ERO1B: variants seen among roughly 807,000 people sequenced by gnomAD.
The protein encoded by ERO1B is ERO1-like protein beta.
In ERO1B, 49 loss-of-function variants were observed where a neutral mutation model predicts 75.3. The observed-to-expected ratio is 0.65, with a 90% CI of 0.52 to 0.83. The LOEUF is 0.83. ERO1B is among the 40% of genes least tolerant of loss of function. ERO1B has a pLI of 0.00. For synonymous variants in ERO1B, 191 were observed against 192.9 expected (o/e 0.99, Z 0.08); for missense variants, 512 against 560.1 (o/e 0.91, Z 0.87).
intron 15 of ERO1B, among the ~76,000 whole-genome samples, chr1:236,218,928 G>A (rs1033541754): frequency 1.1e-4 from 16 of 152,070 alleles, no homozygotes; most frequent in African/African-American, 3.9e-4. Context: ...ACACTAATTT[G>A]TCTTATGTTG....
chr1:236,259,941 G>C (rs1345256343), intron 2 of ERO1B, among the ~76,000 whole-genome samples: 1 of 152,078 alleles, frequency 6.6e-6, no homozygotes, highest in Non-Finnish European at 1.5e-5. Flanking sequence ...ATTATTCTCA[G>C]TGCATATGGA....
chr1:236,232,004 A>T (rs1664422472), intron 9 of ERO1B, among the ~76,000 whole-genome samples: 2 of 152,184 alleles, frequency 1.3e-5, no homozygotes, highest in South Asian at 2.1e-4. Flanking sequence ...TCCCAGCTGC[A>T]TGCTGTTTCC....
At chr1:236,235,927 A>T in intron 7 of ERO1B, 92 bp from the exon 8 acceptor site, 5 of 1,074,928 alleles carry the variant, frequency 4.7e-6, no homozygotes. Flanking sequence ...TCCCCTCCCC[A>T]CCCTCTTTTT....
chr1:236,239,847 ATGTG>A (rs1407501038), intron 6 of ERO1B, among the ~76,000 whole-genome samples: 15 of 15,150 alleles, frequency 9.9e-4, no homozygotes, highest in Admixed American at 4.8e-3. Flanking sequence ...GTATATATAT[ATGTG>A]TATATATGTA....
chr1:236,272,039 A>G (rs1283564097), intron 1 of ERO1B, among the ~76,000 whole-genome samples: 2 of 152,332 alleles, frequency 1.3e-5, no homozygotes, highest in African/African-American at 2.4e-5. Flanking sequence ...TCATATTAAA[A>G]AGTAAAACAA....
rs1431516454 is a variant in ERO1B, at chr1:236,232,808, C to A, written c.685+20G>T. 8 of 1,583,644 alleles carry A rather than the reference C, an allele frequency of 5.1e-6. No individual in the cohort carries two copies. Among genetic ancestry groups the A allele is most frequent in the Non-Finnish European group, 6.9e-6 (8 of 1,165,626 alleles). On this transcript the variant is annotated intron_variant, in intron 9 of 15. Coordinates refer to ENST00000354619, the MANE Select transcript of ERO1B (RefSeq NM_019891.4). ...AAATTTCCTCCACACTTGAAACAAA[C>A]AAACATGAGTTTTGCTCACCATCAT...
intron 2 of ERO1B, among the ~76,000 whole-genome samples, chr1:236,260,664 CAA>C (rs35701591): frequency 1.5e-4 from 19 of 127,154 alleles, no homozygotes; most frequent in Non-Finnish European, 1.7e-4. Context: ...GAGTTGGTCT[CAA>C]AAAAAAAAAA....
At position 236,223,202 on chromosome 1, in the gene ERO1B, CAAAAAAAAAAAAAA is replaced by C. The variant is rs11322079; in HGVS notation, c.1123-1206_1123-1193del. Among the ~76,000 whole-genome samples, 3 of 80,930 alleles carry C rather than the reference CAAAAAAAAAAAAAA, an allele frequency of 3.7e-5. No individual in the cohort carries two copies. In the Admixed American group the frequency reaches 4.2e-4, roughly 11 times the overall value. The allele number at this position is 80,930 out of a possible 152,430, so 53.1% of individuals were successfully genotyped here. On this transcript the variant is annotated intron_variant, in intron 13 of 15. Coordinates refer to ENST00000354619, the MANE Select transcript of ERO1B (RefSeq NM_019891.4). ...GGGCAACTAGAGTGAAACTCTGTCT[CAAAAAAAAAAAAAA>C]AAAAAAAAGAGAAGTTTCCTACACT...
intron 2 of ERO1B, among the ~76,000 whole-genome samples, chr1:236,258,148 G>GAAA (rs1665205894): frequency 7.2e-4 from 1 of 1,398 alleles, no homozygotes; most frequent in African/African-American, 1.7e-3. Context: ...GAAAAACAAA[G>GAAA]CAAAAAAAAA....
intron 4 of ERO1B, 67 bp downstream of exon 4, chr1:236,251,983 T>C (rs1040754020): frequency 1.1e-4 from 126 of 1,172,200 alleles, no homozygotes; most frequent in Non-Finnish European, 1.5e-4. Flanking sequence ...CTACAGCCAC[T>C]GTCAGTCAGT....
chr1:236,275,169 G>GGGT (rs1160609556), intron 1 of ERO1B, among the ~76,000 whole-genome samples: 1 of 152,168 alleles, frequency 6.6e-6, no homozygotes, highest in African/African-American at 2.4e-5. Context: ...GAGACCAACT[G>GGGT]GGTGGTGTCC....
intron 8 of ERO1B, 37 bp from the exon 9 acceptor site, chr1:236,232,876 G>A (rs747628811): frequency 1.3e-5 from 20 of 1,547,364 alleles, no homozygotes; most frequent in Admixed American, 1.8e-5. Flanking sequence ...TTTAGAAAAT[G>A]TCTTACATAG....
chr1:236,265,957 C>G (rs1312384102), intron 2 of ERO1B, among the ~76,000 whole-genome samples: 1 of 152,184 alleles, frequency 6.6e-6, no homozygotes, highest in Non-Finnish European at 1.5e-5. Context: ...CAAATACTTT[C>G]TCTAATGTAG....
intron 9 of ERO1B, among the ~76,000 whole-genome samples, chr1:236,231,854 G>A (rs1053104712): frequency 6.6e-6 from 1 of 152,112 alleles, no homozygotes; most frequent in Non-Finnish European, 1.5e-5. Context: ...CACCTCAAGT[G>A]CCAACAGGAA....
rs1178787696 is a variant in ERO1B at position 236,281,775 on chromosome 1, T to C, written c.9A>G (p.Gln3=). MS[Q]GVRRAGAGQG... ...GCCCAGCGCCTGCCCGGCGGACCCC[T>C]TGGCTCATGCTGACCTCTACCCACA... The change falls in exon 1 of 16, where the codon CAA becomes CAG. Residue 3 remains glutamine (Q), a synonymous_variant. Transcript: ENST00000354619. The C allele has an allele frequency of 1.2e-5, 18 of 1,509,824 alleles. No individual in the cohort carries two copies. The highest frequency in any genetic ancestry group is 1.5e-5 in the Non-Finnish European group (17 of 1,131,862). The allele number at this position is 1,509,824 out of a possible 1,614,324, so 93.5% of individuals were successfully genotyped here.
At chr1:236,266,738 A>C (rs1276912477) in intron 2 of ERO1B, among the ~76,000 whole-genome samples, 3 of 152,038 alleles carry the variant, frequency 2.0e-5, no homozygotes, top group African/African-American at 7.2e-5. Flanking sequence ...ATTCCTTCTT[A>C]TTTCTTTTAT....
chr1:236,266,265 T>C (rs1415833594), intron 2 of ERO1B, among the ~76,000 whole-genome samples: 1 of 152,224 alleles, frequency 6.6e-6, no homozygotes, highest in Non-Finnish European at 1.5e-5. Flanking sequence ...GGCAGACTGT[T>C]ACCTCCACCT....
chr1:236,267,060 G>T lies in ERO1B; in HGVS notation c.222+2815C>A, dbSNP rs1485390769. Among the ~76,000 whole-genome samples the T allele has an allele frequency of 2.6e-5, 4 of 152,202 alleles. No homozygotes were observed. In the East Asian group the frequency reaches 7.7e-4, roughly 29 times the overall value. On this transcript the variant is annotated intron_variant, in intron 2 of 15. Transcript: ENST00000354619. The stretch of plus-strand genomic sequence containing the variant: ...TGACTCCACTTTTACTCATGCAAAT[G>T]AGACTGTCAACCAAGGTGTCCTTCC...
rs1404291102 is a variant in ERO1B at position 236,269,891 on chromosome 1, T to C, written c.206A>G (p.Tyr69Cys). 2.5e-6 allele frequency: 4 copies of C among 1,589,532 alleles called. No individual in the cohort carries two copies. The highest frequency in any genetic ancestry group is 2.7e-5 in the African/African-American group (2 of 74,436). ...CAACCTTACCTTGTAATAACGAAAA[T>C]AGTCTCTCTCTTGCAATTTTTTTAT... is the stretch of plus-strand genomic sequence containing the variant. ...PKIKKLQERD[Y>C]FRYYKVNLKR... The change falls in exon 2 of 16, where the codon TAT (tyrosine) becomes TGT (cysteine). Residue 69 changes from tyrosine (Y) to cysteine (C), a missense_variant. By Grantham distance (194) the Tyr-to-Cys change is radical (BLOSUM62 -2). Transcript: ENST00000354619.
Sources: allele counts gnomAD v4.1 joint callset (sites outside exome capture counted in the v4.1 genomes callset), GRCh38; gene constraint gnomAD v4.1.1; transcripts MANE v1.5; gene names NCBI Gene and HGNC (gene_info 2026-07-23, HGNC 2026-07-21).